Variants in ARHGAP15 observed in about 807,000 individuals in gnomAD.
The protein encoded by ARHGAP15 is Rho GTPase activating protein 15, also known as rho GTPase-activating protein 15.
A neutral mutation model predicts 63.7 loss-of-function variants in ARHGAP15; 51 were observed. The observed-to-expected ratio is 0.80, with a 90% CI of 0.64 to 1.01. The LOEUF (loss-of-function observed/expected upper bound fraction) is 1.01, where lower values mean the gene tolerates loss of function less well. Ranked by LOEUF, ARHGAP15 falls within the 50% of genes least tolerant of loss-of-function variation. The probability of loss-of-function intolerance (pLI) is 0.00; values close to 1 mark genes in which losing one functional copy is unlikely to be tolerated. For synonymous variants in ARHGAP15, 191 were observed against 193.8 expected (o/e 0.99, Z 0.12); for missense variants, 560 against 564.6 (o/e 0.99, Z 0.08).
intron 6 of ARHGAP15, among the ~76,000 whole-genome samples, chr2:143,351,609 G>A (rs1225825208): frequency 1.3e-5 from 2 of 152,138 alleles, no homozygotes; most frequent in South Asian, 2.1e-4. Context: ...TTAACCTGGC[G>A]GGATAGGCGA....
chr2:143,329,171 G>A (rs747087481), intron 6 of ARHGAP15, among the ~76,000 whole-genome samples: 23 of 152,208 alleles, frequency 1.5e-4, no homozygotes, highest in Admixed American at 5.9e-4. Flanking sequence ...CTGGTCTTAT[G>A]TCTGTGACTA....
At chr2:143,206,406 C>A (rs1272806039) in intron 3 of ARHGAP15, among the ~76,000 whole-genome samples, 1 of 152,126 alleles carries the variant, frequency 6.6e-6, no homozygotes, top group African/African-American at 2.4e-5. Flanking sequence ...ATATGCCTAA[C>A]ATTTGTAGTG....
At chr2:143,535,285 C>A (rs931857652) in intron 10 of ARHGAP15, among the ~76,000 whole-genome samples, 1 of 152,026 alleles carries the variant, frequency 6.6e-6, no homozygotes, top group Non-Finnish European at 1.5e-5. Context: ...ATGTACTTGC[C>A]CCCTTATTCT....
At chr2:143,571,226 C>A (rs1057396339) in intron 11 of ARHGAP15, among the ~76,000 whole-genome samples, 1 of 152,088 alleles carries the variant, frequency 6.6e-6, no homozygotes, top group Non-Finnish European at 1.5e-5. Context: ...GAGCATGTAA[C>A]AATAATAGAA....
At chr2:143,416,807 C>A (rs1688699096) in intron 6 of ARHGAP15, among the ~76,000 whole-genome samples, 1 of 124,362 alleles carries the variant, frequency 8.0e-6, no homozygotes, top group African/African-American at 3.1e-5. Flanking sequence ...TCCCTGCCTG[C>A]CACTTCCCCC....
At chr2:143,674,860 G>A (rs1385212270) in intron 12 of ARHGAP15, among the ~76,000 whole-genome samples, 1 of 152,090 alleles carries the variant, frequency 6.6e-6, no homozygotes, top group Non-Finnish European at 1.5e-5. Context: ...CATGTTAATG[G>A]TCGCTGACTG....
At chr2:143,724,872 A>C (rs897587560) in intron 13 of ARHGAP15, among the ~76,000 whole-genome samples, 1 of 152,198 alleles carries the variant, frequency 6.6e-6, no homozygotes. Flanking sequence ...GTAATACACA[A>C]CTTCTGCTCC....
chr2:143,541,598 C>T (rs1354866223), intron 10 of ARHGAP15, among the ~76,000 whole-genome samples: 1 of 152,164 alleles, frequency 6.6e-6, no homozygotes, highest in South Asian at 2.1e-4. Context: ...TTCTAACAGT[C>T]AGGACCCTCA....
chr2:143,620,363 G>T (rs1698603839), intron 11 of ARHGAP15, among the ~76,000 whole-genome samples: 1 of 151,944 alleles, frequency 6.6e-6, no homozygotes, highest in African/African-American at 2.4e-5. Context: ...TAATGCAGTT[G>T]CTTCTTATTA....
intron 6 of ARHGAP15, among the ~76,000 whole-genome samples, chr2:143,399,101 T>C (rs1687891127): frequency 6.6e-6 from 1 of 152,052 alleles, no homozygotes; most frequent in South Asian, 2.1e-4. Context: ...GCAAACCACT[T>C]ATAAAAAGTT....
At chr2:143,294,688 A>G (rs530208672) in intron 6 of ARHGAP15, among the ~76,000 whole-genome samples, 3 of 152,028 alleles carry the variant, frequency 2.0e-5, no homozygotes, top group African/African-American at 7.2e-5. Context: ...GGGGACAGCC[A>G]CTTTCCAGCA....
chr2:143,425,389 C>T (rs549574329), intron 6 of ARHGAP15, among the ~76,000 whole-genome samples: 4 of 151,864 alleles, frequency 2.6e-5, no homozygotes, highest in Admixed American at 6.6e-5. Flanking sequence ...TACTATATTA[C>T]ATATTATATA....
intron 11 of ARHGAP15, among the ~76,000 whole-genome samples, chr2:143,560,867 C>T (rs765303534): frequency 2.6e-5 from 4 of 152,168 alleles, no homozygotes; most frequent in Non-Finnish European, 4.4e-5. Context: ...GCTGTTGGTG[C>T]GTTTGTGAGC....
At chr2:143,690,543 C>G (rs1047634025) in intron 12 of ARHGAP15, among the ~76,000 whole-genome samples, 2 of 152,128 alleles carry the variant, frequency 1.3e-5, no homozygotes, top group African/African-American at 4.8e-5. Flanking sequence ...TTTACAAGGG[C>G]CTTTGAGCTT....
intron 6 of ARHGAP15, among the ~76,000 whole-genome samples, chr2:143,425,306 C>T (rs1319038927): frequency 1.3e-5 from 2 of 151,554 alleles, no homozygotes; most frequent in Non-Finnish European, 2.9e-5. Flanking sequence ...ATAAAAATAC[C>T]ATTAAATTAT....
chr2:143,614,310 C>G (rs973387671), intron 11 of ARHGAP15, among the ~76,000 whole-genome samples: 2 of 152,132 alleles, frequency 1.3e-5, no homozygotes, highest in Non-Finnish European at 1.5e-5. Flanking sequence ...TTCTATTTGA[C>G]CAAACTTCCT....
chr2:143,220,678 T>G (rs1692957397), intron 4 of ARHGAP15, among the ~76,000 whole-genome samples: 1 of 152,156 alleles, frequency 6.6e-6, no homozygotes, highest in Non-Finnish European at 1.5e-5. Flanking sequence ...CCTTGAAAAA[T>G]TATGTAGTTT....
chr2:143,662,382 A>T (rs1452343907), intron 12 of ARHGAP15, among the ~76,000 whole-genome samples: 1 of 145,824 alleles, frequency 6.9e-6, no homozygotes, highest in East Asian at 2.0e-4. Flanking sequence ...AAACTAACAA[A>T]CAGAAAGGAC....
chr2:143,295,413 G>T (rs1272615556), intron 6 of ARHGAP15: 1 of 134,802 alleles, frequency 7.4e-6, no homozygotes, highest in Non-Finnish European at 1.6e-5. Context: ...TCTCAAGGAA[G>T]TTAGATTCTG....
Sources: gnomAD v4.1 joint callset for allele counts (sites outside exome capture counted in the v4.1 genomes callset) on GRCh38, gnomAD v4.1.1 for gene constraint, MANE v1.5 for transcripts, NCBI Gene and HGNC (gene_info 2026-07-23, HGNC 2026-07-21) for gene names.